PLA2R1: variants seen among roughly 807,000 people sequenced by gnomAD.
PLA2R1 encodes secretory phospholipase A2 receptor.
PLA2R1 carries 158 observed loss-of-function variants against 195.9 expected under a neutral mutation model. The ratio of observed to expected loss-of-function variants is 0.81; its 90% CI spans 0.71 to 0.92. The LOEUF is 0.92. PLA2R1 is among the 40% of genes least tolerant of loss of function. PLA2R1 has a pLI of 0.00. For missense variants in PLA2R1, 1,626 were observed against 1,764.6 expected (o/e 0.92, Z 1.41); for synonymous variants, 586 against 598.2 (o/e 0.98, Z 0.30).
chr2:160,030,762 T>C (rs1693805295), intron 4 of PLA2R1, among the ~76,000 whole-genome samples: 1 of 152,226 alleles, frequency 6.6e-6, no homozygotes, highest in African/African-American at 2.4e-5. Flanking sequence ...CATTAGACTA[T>C]TTTCATCATT....
intron 1 of PLA2R1, among the ~76,000 whole-genome samples, chr2:160,054,943 T>C (rs907107032): frequency 1.3e-5 from 2 of 152,146 alleles, no homozygotes; most frequent in Admixed American, 6.6e-5. Context: ...AGCATTAGGA[T>C]TGAGTTCAGA....
intron 11 of PLA2R1, among the ~76,000 whole-genome samples, chr2:159,989,210 G>A (rs2715923): frequency 0.81 from 123,982 of 152,144 alleles, 50,669 homozygotes; most frequent in East Asian, 0.87. Flanking sequence ...AAGGGGGAGA[G>A]ATTATAGTAT....
At chr2:159,944,820 T>C in intron 28 of PLA2R1, 86 bp downstream of exon 28, 1 of 1,029,912 alleles carries the variant, frequency 9.7e-7, no homozygotes, top group Non-Finnish European at 1.5e-6. Context: ...TCAACTTGGA[T>C]TTTAAAACCT....
chr2:159,985,945 A>G (rs1690294581), intron 12 of PLA2R1, among the ~76,000 whole-genome samples: 1 of 152,002 alleles, frequency 6.6e-6, no homozygotes. Context: ...ATGTCTTGTA[A>G]TACTTTTGCT....
At chr2:160,016,090 C>T (rs1323768694) in intron 9 of PLA2R1, among the ~76,000 whole-genome samples, 2 of 151,970 alleles carry the variant, frequency 1.3e-5, no homozygotes, top group African/African-American at 4.8e-5. Context: ...ATGGCAAAAT[C>T]CCGTCTCTAC....
At chr2:160,003,748 A>C (rs1691768823) in intron 11 of PLA2R1, among the ~76,000 whole-genome samples, 1 of 152,220 alleles carries the variant, frequency 6.6e-6, no homozygotes, top group African/African-American at 2.4e-5. Context: ...CAACATGCTC[A>C]TAGTTATGCA....
At chr2:160,059,478 T>C (rs1192840278) in intron 1 of PLA2R1, among the ~76,000 whole-genome samples, 1 of 152,202 alleles carries the variant, frequency 6.6e-6, no homozygotes, top group African/African-American at 2.4e-5. Flanking sequence ...ACTAGCTCCA[T>C]TTTACAGATG....
intron 3 of PLA2R1, among the ~76,000 whole-genome samples, chr2:160,039,739 TG>T (rs1292061932): frequency 6.6e-6 from 1 of 151,994 alleles, no homozygotes; most frequent in African/African-American, 2.4e-5. Context: ...ACATGCTCTC[TG>T]CTGGTTGTGG....
At chr2:160,002,239 G>A (rs1296444343) in intron 11 of PLA2R1, among the ~76,000 whole-genome samples, 2 of 151,888 alleles carry the variant, frequency 1.3e-5, no homozygotes, top group African/African-American at 2.4e-5. Flanking sequence ...AAATTGGAAT[G>A]TATTCTAAAT....
intron 27 of PLA2R1, chr2:159,946,006 A>G (rs1030734769): frequency 1.0e-6 from 1 of 983,882 alleles, no homozygotes; most frequent in African/African-American, 1.7e-5. Flanking sequence ...CATCATTACA[A>G]AATGGCTCAC....
rs1686762687 is a variant in PLA2R1, at chr2:159,935,084, G to A, written c.*6694C>T. 1 of 152,184 alleles carries A rather than the reference G, an allele frequency of 6.6e-6. No homozygotes were observed. The highest frequency in any genetic ancestry group is 2.1e-4 in the South Asian group (1 of 4,832). The allele number at this position is 152,184 out of a possible 1,614,324, so 9.4% of individuals were successfully genotyped here. The stretch of plus-strand genomic sequence containing the variant: ...AATGTTTTTTCATGATTGAGATTAT[G>A]CATTTTGGGGAGGATACCAAAGAAG... On this transcript the variant is annotated 3_prime_UTR_variant, in exon 30 of 30. Coordinates refer to ENST00000283243, the MANE Select transcript of PLA2R1 (RefSeq NM_007366.5).
chr2:159,931,060 A>G (rs1314938987), downstream of PLA2R1, among the ~76,000 whole-genome samples: 1 of 152,210 alleles, frequency 6.6e-6, no homozygotes, highest in Non-Finnish European at 1.5e-5. Flanking sequence ...CGAACAGCTG[A>G]AGCCGCAGCT....
rs1163255736 is a variant in PLA2R1 at position 159,936,822 on chromosome 2, T to C, written c.*4956A>G. 3 of 152,368 alleles carry C rather than the reference T, an allele frequency of 2.0e-5. No individual in the cohort carries two copies. Among genetic ancestry groups the C allele is most frequent in the South Asian group, 2.1e-4 (1 of 4,826 alleles). 9.4% of individuals were successfully genotyped at this position (152,368 alleles called of 1,614,324 possible). A position where few individuals can be genotyped will look rare whatever the true frequency, so the allele number is the denominator to read the frequency against. On this transcript the variant is annotated 3_prime_UTR_variant, in exon 30 of 30. Transcript: ENST00000283243. ...TGCTTGGAGGCAAGTGTCCTGACCA[T>C]AGCAGGCTTCGCATGATCAATAAAT... is the stretch of plus-strand genomic sequence containing the variant.
intron 4 of PLA2R1, among the ~76,000 whole-genome samples, chr2:160,032,436 C>T (rs977648999): frequency 3.9e-5 from 6 of 152,244 alleles, no homozygotes; most frequent in Admixed American, 2.6e-4. Context: ...CTTAGTTTAT[C>T]GGCACAATTC....
intron 17 of PLA2R1, among the ~76,000 whole-genome samples, chr2:159,973,330 C>T (rs999735982): frequency 1.3e-5 from 2 of 151,482 alleles, no homozygotes; most frequent in African/African-American, 4.9e-5. Context: ...CAGCTTTCTT[C>T]TTTCTAATTT....
At position 160,056,895 on chromosome 2, in the gene PLA2R1, C is replaced by A. The variant is rs1449883517; in HGVS notation, c.109+5400G>T. Among the ~76,000 whole-genome samples the A allele has an allele frequency of 7.2e-5, 11 of 152,302 alleles. No homozygotes were observed. The East Asian group carries it at 1.5e-3, about 21-fold the overall frequency. ...GAAGCAGGGTGCCTCCAACCAAACT[C>A]TTCCTCATCTCTCTCATGCTTCCAA... is the stretch of plus-strand genomic sequence containing the variant. On this transcript the variant is annotated intron_variant, in intron 1 of 29. Coordinates refer to ENST00000283243, the MANE Select transcript of PLA2R1 (RefSeq NM_007366.5).
chr2:159,966,430 T>C (rs1426793149), intron 20 of PLA2R1, among the ~76,000 whole-genome samples: 2 of 152,192 alleles, frequency 1.3e-5, no homozygotes, highest in African/African-American at 2.4e-5. Flanking sequence ...GTTTCAGTTT[T>C]GCAAGATGGA....
chr2:159,980,710 T>C (rs1191077255), intron 13 of PLA2R1, among the ~76,000 whole-genome samples: 1 of 152,186 alleles, frequency 6.6e-6, no homozygotes, highest in Non-Finnish European at 1.5e-5. Context: ...ACTCAATAAA[T>C]CGAGTAATAA....
At chr2:160,059,698 A>T (rs1000380409) in intron 1 of PLA2R1, among the ~76,000 whole-genome samples, 1 of 152,208 alleles carries the variant, frequency 6.6e-6, no homozygotes, top group African/African-American at 2.4e-5. Context: ...GGGAAGAAAA[A>T]GAGGTTTAGT....
Sources: allele counts gnomAD v4.1 joint callset (sites outside exome capture counted in the v4.1 genomes callset), GRCh38; gene constraint gnomAD v4.1.1; transcripts MANE v1.5; gene names NCBI Gene and HGNC (gene_info 2026-07-23, HGNC 2026-07-21).